Variants in TG observed in about 807,000 individuals in gnomAD.
TG encodes the protein thyroid hormones.
In TG, 270 loss-of-function variants were observed where a neutral mutation model predicts 324.7. The observed-to-expected ratio is 0.83, with a 90% confidence interval of 0.75 to 0.92. The LOEUF is 0.92. Ranked by LOEUF, TG falls within the 40% of genes least tolerant of loss-of-function variation. The probability of loss-of-function intolerance (pLI) is 0.00; values close to 1 mark genes in which losing one functional copy is unlikely to be tolerated. For missense variants in TG, 3,591 were observed against 3,456.4 expected (o/e 1.04, Z -0.98); for synonymous variants, 1,401 against 1,327.0 (o/e 1.06, Z -1.21).
intron 25 of TG, among the ~76,000 whole-genome samples, chr8:132,937,062 C>T (rs190247727): frequency 4.5e-4 from 69 of 152,248 alleles, no homozygotes; most frequent in Admixed American, 9.8e-4. Context: ...GGGCTGGGCT[C>T]ATGGGGAAAG....
Position 133,007,380 on chromosome 8 carries a change from T to G in TG, c.6263-4521T>G, listed in dbSNP as rs552467036. On this transcript the variant is annotated intron_variant, in intron 35 of 47. Coordinates refer to ENST00000220616, the MANE Select transcript of TG (RefSeq NM_003235.5). ...CATTGAGTGTGTAGATCAATTAGTT[T>G]GGGGATTTTTTACAAGGCTTTTTTT... 5.6e-5 allele frequency among the ~76,000 whole-genome samples: 8 copies of G among 142,348 alleles called. No individual in the cohort carries two copies. The East Asian group carries it at 1.7e-3, about 30-fold the overall frequency. The allele number at this position is 142,348 out of a possible 152,430, so 93.4% of individuals were successfully genotyped here.
chr8:132,992,003 A>G (rs372873176), intron 35 of TG, among the ~76,000 whole-genome samples: 4 of 152,126 alleles, frequency 2.6e-5, no homozygotes, highest in Non-Finnish European at 4.4e-5. Context: ...GGAAGGCTTC[A>G]CTTCTCTCCA....
chr8:133,047,631 G>A, intron 41 of TG: 1 of 591,440 alleles, frequency 1.7e-6, no homozygotes, highest in Non-Finnish European at 3.1e-6. Flanking sequence ...TGCCCAGCCG[G>A]CTCCCCACTG....
chr8:133,000,434 A>G (rs1368522823), intron 35 of TG, among the ~76,000 whole-genome samples: 1 of 152,250 alleles, frequency 6.6e-6, no homozygotes, highest in Non-Finnish European at 1.5e-5. Context: ...GTTCCTGTTC[A>G]CAAATTAAAA....
intron 2 of TG, 74 bp downstream of exon 2, chr8:132,868,297 T>C: frequency 1.5e-6 from 2 of 1,358,288 alleles, no homozygotes; most frequent in South Asian, 2.4e-5. Flanking sequence ...TCCCCCCTCT[T>C]CCTGAGCTCT....
At chr8:132,873,893 G>A (rs1839726693) in intron 5 of TG, among the ~76,000 whole-genome samples, 1 of 152,126 alleles carries the variant, frequency 6.6e-6, no homozygotes, top group South Asian at 2.1e-4. Flanking sequence ...GCAGAAGGCC[G>A]GGCGCAGTGG....
intron 41 of TG, among the ~76,000 whole-genome samples, chr8:133,070,257 C>T (rs2245048): frequency 0.61 from 91,945 of 151,624 alleles, 28,329 homozygotes; most frequent in East Asian, 0.78. Context: ...ATGTGTGGAG[C>T]GGTCTCATAA....
intron 22 of TG, among the ~76,000 whole-genome samples, chr8:132,926,435 C>A (rs1380323391): frequency 6.6e-6 from 1 of 152,212 alleles, no homozygotes; most frequent in African/African-American, 2.4e-5. Context: ...GATAAAGCAC[C>A]ATTTGCAGTA....
At chr8:133,091,944 C>T (rs901274530) in intron 41 of TG, among the ~76,000 whole-genome samples, 1 of 151,492 alleles carries the variant, frequency 6.6e-6, no homozygotes, top group African/African-American at 2.4e-5. Flanking sequence ...TGTGTGTTTC[C>T]ATCTGTGGCT....
intron 41 of TG, among the ~76,000 whole-genome samples, chr8:133,067,925 GAGAGAGAAAGAAAGAA>G (rs1843338249): frequency 6.4e-5 from 9 of 140,890 alleles, no homozygotes; most frequent in African/African-American, 2.4e-4. Context: ...GAAAGAGAGA[GAGAGAGAAAGAAAGAA>G]AGAGAGAAAG....
At chr8:132,963,808 G>C (rs867037085) in intron 29 of TG, among the ~76,000 whole-genome samples, 1 of 152,034 alleles carries the variant, frequency 6.6e-6, no homozygotes, top group Non-Finnish European at 1.5e-5. Flanking sequence ...GCTGGCACAG[G>C]AAGGCAGCAT....
intron 35 of TG, chr8:132,988,922 G>A (rs1033725130): frequency 2.0e-6 from 2 of 981,078 alleles, no homozygotes; most frequent in South Asian, 4.7e-5. Context: ...TTTTCACGTT[G>A]CTCATAAAGA....
intron 20 of TG, among the ~76,000 whole-genome samples, chr8:132,913,908 T>G (rs915524839): frequency 6.6e-6 from 1 of 152,214 alleles, no homozygotes; most frequent in Non-Finnish European, 1.5e-5. Flanking sequence ...GGGCCTGCAG[T>G]CCTCCCGGAG....
chr8:132,885,192 CT>C (rs142656747), intron 8 of TG, among the ~76,000 whole-genome samples: 5,969 of 151,784 alleles, frequency 0.039, 277 homozygotes, highest in African/African-American at 0.11. Context: ...ATGGAGCTTA[CT>C]TTACATCCAC....
Position 132,873,121 on chromosome 8 carries a change from C to T in TG, c.538C>T (p.Pro180Ser), listed in dbSNP as rs749118989. ...TCTCCACGGGGTGGGAGATAAGTCA[C>T]CACCCCAGTGTTCTGCGGAGGGAGA... ...RLLHGVGDKSPPQCSAEGEFM... is the reference protein window; with the variant it reads ...RLLHGVGDKSSPQCSAEGEFM... The change falls in exon 5 of 48, where the codon CCA (proline) becomes TCA (serine). Residue 180 changes from proline to serine, a missense_variant. Transcript: ENST00000220616. 4.3e-6 allele frequency: 7 copies of T among 1,614,034 alleles called. No individual in the cohort carries two copies. Among genetic ancestry groups the T allele is most frequent in the Admixed American group, 3.3e-5 (2 of 60,008 alleles).
chr8:133,095,075 T>A lies in TG; in HGVS notation c.7271T>A (p.Ile2424Asn), dbSNP rs145427634. The change falls in exon 42 of 48, where the codon ATC (isoleucine) becomes AAC (asparagine). Residue 2424 changes from isoleucine to asparagine, a missense_variant. Physicochemically the swap from Ile to Asn is moderately radical, Grantham distance 149. Transcript: ENST00000220616. ...TCCGCACTCTCCCCGGCCGCCGTCA[T>A]CAGCCATGAGAGGGCTCAGCAGCAG... ...GGSALSPAAVISHERAQQQAI... is the reference protein window; with the variant it reads ...GGSALSPAAVNSHERAQQQAI... The A allele has an allele frequency of 5.5e-5, 89 of 1,613,980 alleles. 1 individual carries two copies. Among genetic ancestry groups the A allele is most frequent in the Admixed American group, 2.2e-4 (13 of 60,014 alleles).
intron 43 of TG, among the ~76,000 whole-genome samples, chr8:133,108,006 CA>C (rs1849962442): frequency 1.2e-5 from 1 of 80,394 alleles, no homozygotes; most frequent in Non-Finnish European, 2.5e-5. Context: ...TTTTTTGAGA[CA>C]GAGTCTCACT....
At chr8:133,102,526 C>A in intron 43 of TG, 1 of 1,551,050 alleles carries the variant, frequency 6.4e-7, no homozygotes, top group Non-Finnish European at 8.7e-7. Flanking sequence ...CCAGGGGGTC[C>A]CAATGACAGC....
intron 45 of TG, among the ~76,000 whole-genome samples, chr8:133,129,974 T>C (rs1460047254): frequency 1.3e-5 from 2 of 152,208 alleles, no homozygotes; most frequent in Non-Finnish European, 2.9e-5. Flanking sequence ...ACTCCCACTC[T>C]TAAGCTTTCA....
Sources: allele counts gnomAD v4.1 joint callset (sites outside exome capture counted in the v4.1 genomes callset), GRCh38; gene constraint gnomAD v4.1.1; transcripts MANE v1.5; gene names NCBI Gene and HGNC (gene_info 2026-07-23, HGNC 2026-07-21).